The following VWF variants were observed in gnomAD, a reference collection of about 807,000 sequenced individuals.
VWF encodes von Willebrand factor.
Under a neutral mutation model 308.6 loss-of-function variants are expected in VWF, and 176 were observed. That is an observed-to-expected ratio of 0.57 (90% CI 0.50 to 0.65). VWF has a LOEUF of 0.65. Ranked by LOEUF, VWF falls within the 30% of genes least tolerant of loss-of-function variation. The pLI, the probability that VWF is intolerant of heterozygous loss-of-function variation, is 0.00. For synonymous variants in VWF, 1,385 were observed against 1,443.4 expected, an observed-to-expected ratio of 0.96 and a Z score of 0.92; for missense variants, 3,146 against 3,648.2, an observed-to-expected ratio of 0.86 and a Z score of 3.55.
intron 38 of VWF, among the ~76,000 whole-genome samples, chr12:5,987,833 G>A (rs1474780493): frequency 6.6e-6 from 1 of 152,204 alleles, no homozygotes; most frequent in Non-Finnish European, 1.5e-5. Context: ...TAGTTGTCTA[G>A]GGTTGAGGGA....
At chr12:5,952,999 T>G (rs1212494184) in intron 48 of VWF, among the ~76,000 whole-genome samples, 1 of 152,002 alleles carries the variant, frequency 6.6e-6, no homozygotes, top group Admixed American at 6.6e-5. Flanking sequence ...GAGGCCGAGG[T>G]GGGCGGATCA....
chr12:6,118,701 G>A (rs920232215), intron 3 of VWF, among the ~76,000 whole-genome samples: 1 of 152,008 alleles, frequency 6.6e-6, no homozygotes, highest in African/African-American at 2.4e-5. Flanking sequence ...GGCCTCTTCC[G>A]GTCACTTCTA....
At chr12:6,108,602 A>G (rs78523181) in intron 5 of VWF, among the ~76,000 whole-genome samples, 2 of 151,198 alleles carry the variant, frequency 1.3e-5, no homozygotes, top group Non-Finnish European at 3.0e-5. Context: ...AAAAAAAAAA[A>G]GGCTGCAAAC....
Position 6,031,452 on chromosome 12 carries a change from C to G in VWF, c.2812G>C (p.Asp938His). ...GATGAGGCTGCACTTACCTCCCCGT[C>G]AAACAGCTCAATCTCTCCTCCCTCC... ...LVEGGEIELF[D>H]GEVNVKRPMK... Residue 938 changes from aspartate to histidine, a missense_variant, in exon 21 of 52, where the codon GAC becomes CAC. Asp to His is a moderately conservative substitution (Grantham distance 81). This residue lies in a region of VWF where 1,304 missense variants were observed against 1,353.0 expected (regional missense o/e 0.96). Coordinates refer to ENST00000261405, the MANE Select transcript of VWF (RefSeq NM_000552.5). The G allele has an allele frequency of 6.2e-7, 1 of 1,614,164 alleles. No homozygotes were observed. Among genetic ancestry groups the G allele is most frequent in the Non-Finnish European group, 8.5e-7 (1 of 1,180,032 alleles).
At chr12:6,105,447 T>C (rs747019912) in intron 5 of VWF, among the ~76,000 whole-genome samples, 4 of 152,216 alleles carry the variant, frequency 2.6e-5, no homozygotes, top group Non-Finnish European at 4.4e-5. Flanking sequence ...AGGCTGGTCT[T>C]GAACTTCTGA....
At chr12:5,985,349 C>T (rs1461901391) in intron 39 of VWF, among the ~76,000 whole-genome samples, 1 of 152,140 alleles carries the variant, frequency 6.6e-6, no homozygotes, top group African/African-American at 2.4e-5. Context: ...GGACCAGAGG[C>T]GAGGGTTAAT....
At chr12:5,965,146 C>T (rs79158377) in intron 47 of VWF, among the ~76,000 whole-genome samples, 4,587 of 152,240 alleles carry the variant, frequency 0.03, 200 homozygotes, top group African/African-American at 0.098. Context: ...ATTTGATCAC[C>T]GCAGGAAACA....
chr12:5,994,654 T>C, intron 35 of VWF, 47 bp from the exon 36 acceptor site: 3 of 1,591,818 alleles, frequency 1.9e-6, no homozygotes, highest in Non-Finnish European at 2.6e-6. Context: ...CAATGAGGAA[T>C]CCTAGGTTTT....
chr12:5,984,955 G>T, intron 40 of VWF, 90 bp downstream of exon 40: 1 of 1,395,390 alleles, frequency 7.2e-7, no homozygotes, highest in Non-Finnish European at 1.0e-6. Context: ...CCCTGTGCCT[G>T]AGAACAGAGA....
At chr12:6,096,984 G>T (rs764529722) in intron 5 of VWF, among the ~76,000 whole-genome samples, 1 of 151,756 alleles carries the variant, frequency 6.6e-6, no homozygotes, top group Non-Finnish European at 1.5e-5. Flanking sequence ...GGCAGAAAAA[G>T]ATCCCCCCCA....
At chr12:6,106,875 CAAAAAAAAAAAA>C (rs201177758) in intron 5 of VWF, among the ~76,000 whole-genome samples, 16 of 34,816 alleles carry the variant, frequency 4.6e-4, no homozygotes, top group African/African-American at 1.5e-3. Flanking sequence ...AACTCCGACT[CAAAAAAAAAAAA>C]AAAAAAAAAA....
chr12:6,047,171 G>A (rs1056966691), intron 16 of VWF, among the ~76,000 whole-genome samples: 1 of 151,734 alleles, frequency 6.6e-6, no homozygotes, highest in Admixed American at 6.6e-5. Flanking sequence ...TTTCAATATC[G>A]GCCTTCCCCA....
At chr12:6,008,865 A>G (rs1943960878) in intron 34 of VWF, among the ~76,000 whole-genome samples, 1 of 152,214 alleles carries the variant, frequency 6.6e-6, no homozygotes, top group African/African-American at 2.4e-5. Context: ...GTTTCAATAC[A>G]CTAACAATGA....
chr12:6,014,213 G>C (rs562561079), intron 31 of VWF, among the ~76,000 whole-genome samples: 4 of 152,212 alleles, frequency 2.6e-5, no homozygotes, highest in Admixed American at 2.0e-4. Flanking sequence ...AGAGGGACAA[G>C]CAAGAGAGGG....
At chr12:5,977,366 T>C (rs1943543693) in intron 42 of VWF, among the ~76,000 whole-genome samples, 1 of 152,158 alleles carries the variant, frequency 6.6e-6, no homozygotes, top group Non-Finnish European at 1.5e-5. Context: ...AACAAAACTA[T>C]GGTGCTGCCA....
At chr12:6,009,292 A>G (rs1943966009) in intron 34 of VWF, among the ~76,000 whole-genome samples, 1 of 152,144 alleles carries the variant, frequency 6.6e-6, no homozygotes, top group South Asian at 2.1e-4. Flanking sequence ...AAGGACTTGA[A>G]AAGACATTCC....
chr12:6,094,770 T>G (rs1054724227), intron 6 of VWF, among the ~76,000 whole-genome samples: 1 of 151,892 alleles, frequency 6.6e-6, no homozygotes, highest in Non-Finnish European at 1.5e-5. Flanking sequence ...TGGAGTGCAG[T>G]GGCACGATCT....
rs201895432 is a variant in VWF, at chr12:6,019,251, C to T, written c.4167G>A (p.Glu1389=). ...CAAAGTTCCGGGACATCCGTTGGGG[C>T]TCCTGGCTGGCCATCAGGAGCAGGG... is the stretch of plus-strand genomic sequence containing the variant. ...RITLLLMASQ[E]PQRMSRNFVR... is the part of the protein sequence containing the mutation. Residue 1389 remains glutamate, a synonymous_variant, in exon 28 of 52, where the codon GAG becomes GAA. Coordinates refer to ENST00000261405, the MANE Select transcript of VWF (RefSeq NM_000552.5). The surrounding 1 kb of genome is among the most constrained non-coding windows in gnomAD (Gnocchi z 5.8). The T allele has an allele frequency of 3.1e-4, 502 of 1,613,910 alleles. 6 individuals are homozygous for T. In the East Asian group the frequency reaches 0.011, roughly 35 times the overall value.
intron 8 of VWF, 41 bp downstream of exon 8, chr12:6,073,578 G>A (rs1314017966): frequency 6.2e-7 from 1 of 1,613,104 alleles, no homozygotes; most frequent in Non-Finnish European, 8.5e-7. Context: ...AAGGGTGCTG[G>A]CAAGGTCTCT....
Sources: gnomAD v4.1 joint callset for allele counts (sites outside exome capture counted in the v4.1 genomes callset) on GRCh38, gnomAD v4.1.1 for gene constraint, gnomAD v4.1.1 regional missense constraint, Gnocchi (gnomAD v3.1) non-coding constraint, MANE v1.5 for transcripts, NCBI Gene and HGNC (gene_info 2026-07-23, HGNC 2026-07-21) for gene names.